METTL14: variants seen among roughly 807,000 people sequenced by gnomAD.
METTL14 encodes the protein methyltransferase 14, N6-adenosine-methyltransferase non-catalytic subunit, also known as N(6)-adenosine-methyltransferase non-catalytic subunit METTL14.
Under a neutral mutation model 62.4 loss-of-function variants are expected in METTL14, and 32 were observed. The observed-to-expected ratio is 0.51, with a 90% CI of 0.39 to 0.69. METTL14 has a LOEUF of 0.69. Ranked by LOEUF, METTL14 falls within the 30% of genes least tolerant of loss-of-function variation. The pLI, the probability that METTL14 is intolerant of heterozygous loss-of-function variation, is 0.00. For synonymous variants in METTL14, 150 were observed against 180.0 expected, an observed-to-expected ratio of 0.83 and a Z score of 1.34; for missense variants, 340 against 551.9, an observed-to-expected ratio of 0.62 and a Z score of 3.85.
chr4:118,705,960 G>C (rs1724743842), intron 10 of METTL14, 139 bp downstream of exon 10: 2 of 710,020 alleles, frequency 2.8e-6, no homozygotes, highest in Non-Finnish European at 4.7e-6. Flanking sequence ...ACAGTTTCAG[G>C]TCCACAGCAA....
At chr4:118,692,881 A>G (rs935920715) in intron 5 of METTL14, among the ~76,000 whole-genome samples, 1 of 151,910 alleles carries the variant, frequency 6.6e-6, no homozygotes, top group African/African-American at 2.4e-5. Context: ...TTCTATTTCT[A>G]TACGTTTGCC....
At chr4:118,701,519 A>G (rs1364103867) in intron 8 of METTL14, among the ~76,000 whole-genome samples, 2 of 152,138 alleles carry the variant, frequency 1.3e-5, no homozygotes, top group African/African-American at 4.8e-5. Context: ...ACAAAATAAT[A>G]TATATGCTGT....
At chr4:118,690,939 T>C (rs1724227797) in intron 3 of METTL14, among the ~76,000 whole-genome samples, 1 of 152,200 alleles carries the variant, frequency 6.6e-6, no homozygotes, top group Non-Finnish European at 1.5e-5. Flanking sequence ...GAAAGTATTA[T>C]GGTCCAAAAA....
At chr4:118,702,871 T>G (rs1724638207) in intron 8 of METTL14, among the ~76,000 whole-genome samples, 1 of 150,924 alleles carries the variant, frequency 6.6e-6, no homozygotes, top group African/African-American at 2.4e-5. Context: ...CTATCTTTTT[T>G]TTTTTTTGGT....
chr4:118,687,304 T>C (rs1284934467), intron 1 of METTL14, among the ~76,000 whole-genome samples: 1 of 152,230 alleles, frequency 6.6e-6, no homozygotes, highest in Non-Finnish European at 1.5e-5. Flanking sequence ...TTCCTTTGAA[T>C]GTCATGTCAG....
intron 8 of METTL14, among the ~76,000 whole-genome samples, chr4:118,701,985 A>G (rs1579073766): frequency 6.6e-6 from 1 of 152,162 alleles, no homozygotes; most frequent in South Asian, 2.1e-4. Flanking sequence ...TCAAGATGCT[A>G]TAGAAAAGTA....
intron 6 of METTL14, among the ~76,000 whole-genome samples, chr4:118,694,801 T>C (rs996040543): frequency 6.6e-6 from 1 of 152,098 alleles, no homozygotes; most frequent in Admixed American, 6.5e-5. Flanking sequence ...TCTTTCTTTC[T>C]TTTTTTGTTT....
At chr4:118,689,301 A>AT (rs1254327542) in intron 2 of METTL14, 69 bp from the exon 3 acceptor site, 1 of 756,286 alleles carries the variant, frequency 1.3e-6, no homozygotes, top group Non-Finnish European at 2.1e-6. Context: ...TAACCTGTTT[A>AT]TTATTATTAA....
At chr4:118,694,087 A>G (rs1724331502) in intron 5 of METTL14, among the ~76,000 whole-genome samples, 1 of 146,028 alleles carries the variant, frequency 6.8e-6, no homozygotes, top group Non-Finnish European at 1.5e-5. Context: ...TTTTTTAGCT[A>G]AGAGGAAGGG....
At position 118,691,626 on chromosome 4, in the gene METTL14, T is replaced by C. The variant is rs959871677; in HGVS notation, c.324+14T>C. 1 of 1,342,410 alleles carries C rather than the reference T, an allele frequency of 7.4e-7. No individual in the cohort carries two copies. The highest frequency in any genetic ancestry group is 1.5e-5 in the African/African-American group (1 of 65,682). The allele number at this position is 1,342,410 out of a possible 1,614,324, so 83.2% of individuals were successfully genotyped here. On this transcript the variant is annotated intron_variant, in intron 4 of 10. Coordinates refer to ENST00000388822, the MANE Select transcript of METTL14 (RefSeq NM_020961.4). ...ACTTTTCTTAAGGTAAAATAAATAA[T>C]TTTCAAATTTTGTAACTCTTCATAT...
At position 118,710,192 on chromosome 4, in the gene METTL14, A is replaced by G. The variant is rs747999454; in HGVS notation, c.1261A>G (p.Thr421Ala). The G allele has an allele frequency of 2.5e-6, 4 of 1,614,118 alleles. No homozygotes were observed. Among genetic ancestry groups the G allele is most frequent in the Non-Finnish European group, 3.4e-6 (4 of 1,180,056 alleles). ...GAPRGGGRGG[T>A]SAGRGRERNR... ...TCCCAGAGGTGGAGGAAGAGGTGGA[A>G]CTTCTGCTGGCCGTGGACGAGAAAG... Residue 421 changes from threonine to alanine, a missense_variant, in exon 11 of 11, where the codon ACT (threonine) becomes GCT (alanine). By Grantham distance (58) the Thr-to-Ala change is moderately conservative (BLOSUM62 0). Coordinates refer to ENST00000388822, the MANE Select transcript of METTL14 (RefSeq NM_020961.4).
intron 1 of METTL14, among the ~76,000 whole-genome samples, chr4:118,686,153 T>G (rs1724050277): frequency 6.6e-6 from 1 of 152,218 alleles, no homozygotes; most frequent in Admixed American, 6.5e-5. Flanking sequence ...AATAATCTCC[T>G]GAAACAGGTA....
intron 10 of METTL14, among the ~76,000 whole-genome samples, chr4:118,708,603 T>TA (rs33956137): frequency 0.03 from 4,500 of 152,266 alleles, 223 homozygotes; most frequent in African/African-American, 0.1. Flanking sequence ...AAAAATGTTT[T>TA]AAAAAACAAT....
intron 9 of METTL14, among the ~76,000 whole-genome samples, 182 bp from the exon 10 acceptor site, chr4:118,705,429 G>A (rs936528910): frequency 6.6e-6 from 1 of 152,190 alleles, no homozygotes; most frequent in African/African-American, 2.4e-5. Flanking sequence ...AGCTGAGATC[G>A]TGCTACTGTA....
At position 118,708,429 on chromosome 4, in the gene METTL14, G is replaced by C. The variant is rs116630442; in HGVS notation, c.1067-1569G>C. On this transcript the variant is annotated intron_variant, in intron 10 of 10. Coordinates refer to ENST00000388822, the MANE Select transcript of METTL14 (RefSeq NM_020961.4). Reference sequence around the variant, plus strand: ...ATGCCAAAAAACAAACTAGAAGGCAGCAAATAAAAATCTCATAGGTTTAAT... The same window carrying C: ...ATGCCAAAAAACAAACTAGAAGGCACCAAATAAAAATCTCATAGGTTTAAT... Among the ~76,000 whole-genome samples, 794 of 152,186 alleles carry C rather than the reference G, an allele frequency of 5.2e-3. 5 individuals carry two copies. Among genetic ancestry groups the C allele is most frequent in the African/African-American group, 0.015 (634 of 41,522 alleles).
Position 118,710,312 on chromosome 4 carries a change from A to C in METTL14, c.*10A>C. On this transcript the variant is annotated 3_prime_UTR_variant, in exon 11 of 11. Coordinates refer to ENST00000388822, the MANE Select transcript of METTL14 (RefSeq NM_020961.4). ...CTTTCCACCTCGATAATTGTTGAAG[A>C]CATTGAACCTATTCATCCTCCTCTA... The C allele has an allele frequency of 6.2e-7, 1 of 1,600,874 alleles. No homozygotes were observed. The highest frequency in any genetic ancestry group is 2.2e-5 in the East Asian group (1 of 44,788).
intron 4 of METTL14, 40 bp from the exon 5 acceptor site, chr4:118,691,941 A>G (rs759666643): frequency 1.5e-6 from 2 of 1,297,386 alleles, no homozygotes; most frequent in Non-Finnish European, 1.1e-6. Flanking sequence ...ATCTGCCATT[A>G]CAATGCATGT....
intron 3 of METTL14, among the ~76,000 whole-genome samples, chr4:118,690,737 C>A (rs1724221588): frequency 6.6e-6 from 1 of 151,076 alleles, no homozygotes; most frequent in Non-Finnish European, 1.5e-5. Context: ...TTTTGAGAAG[C>A]TGCAGTAGCT....
chr4:118,714,191 T>G lies in METTL14; in HGVS notation c.*3889T>G, dbSNP rs1724996485. On this transcript the variant is annotated 3_prime_UTR_variant, in exon 11 of 11. Transcript: ENST00000388822. ...AATTGTCTTCTTTAGGCACATTGTTTGCATATTAACGACATGGAAATATTT... is the reference window on the plus strand; with the variant it reads ...AATTGTCTTCTTTAGGCACATTGTTGGCATATTAACGACATGGAAATATTT... The G allele has an allele frequency of 6.6e-6, 1 of 152,252 alleles. No homozygotes were observed. The highest frequency in any genetic ancestry group is 1.5e-5 in the Non-Finnish European group (1 of 68,050). 9.4% of individuals were successfully genotyped at this position (152,252 alleles called of 1,614,324 possible).
Sources: gnomAD v4.1 joint callset for allele counts (sites outside exome capture counted in the v4.1 genomes callset) on GRCh38, gnomAD v4.1.1 for gene constraint, MANE v1.5 for transcripts, NCBI Gene and HGNC (gene_info 2026-07-23, HGNC 2026-07-21) for gene names.